Variants in NKAIN2 observed in about 807,000 individuals in gnomAD.
NKAIN2 encodes sodium/potassium transporting ATPase interacting 2.
Under a neutral mutation model 32.6 loss-of-function variants are expected in NKAIN2, and 14 were observed. That is an observed-to-expected ratio of 0.43 (90% CI 0.28 to 0.67). NKAIN2 has a LOEUF of 0.67. Ranked by LOEUF, NKAIN2 falls within the 30% of genes least tolerant of loss-of-function variation. The pLI is 0.17. For missense variants in NKAIN2, 198 were observed against 258.3 expected (o/e 0.77, Z 1.60); for synonymous variants, 80 against 87.2 (o/e 0.92, Z 0.46).
chr6:124,637,508 A>G (rs2114338396), intron 3 of NKAIN2, among the ~76,000 whole-genome samples: 1 of 152,124 alleles, frequency 6.6e-6, no homozygotes, highest in East Asian at 1.9e-4. Context: ...TTTTTGCATT[A>G]TTTTTTCTTT....
chr6:124,532,523 T>C (rs905584884), intron 3 of NKAIN2, among the ~76,000 whole-genome samples: 2 of 152,136 alleles, frequency 1.3e-5, no homozygotes, highest in Non-Finnish European at 2.9e-5. Context: ...TCTACTCTTA[T>C]TGACAGAGAC....
At chr6:124,439,932 T>C (rs1775620627) in intron 3 of NKAIN2, among the ~76,000 whole-genome samples, 1 of 151,922 alleles carries the variant, frequency 6.6e-6, no homozygotes, top group Non-Finnish European at 1.5e-5. Context: ...ATGCAGGAAA[T>C]TTACTGGAGC....
At chr6:124,413,315 A>G (rs769735001) in intron 3 of NKAIN2, among the ~76,000 whole-genome samples, 15 of 152,226 alleles carry the variant, frequency 9.9e-5, no homozygotes, top group Non-Finnish European at 1.8e-4. Context: ...CAGATTTTCA[A>G]TTGTTGTGGC....
chr6:123,804,884 C>T (rs185035529), intron 1 of NKAIN2, among the ~76,000 whole-genome samples: 136 of 152,198 alleles, frequency 8.9e-4, no homozygotes, highest in African/African-American at 3.2e-3. Flanking sequence ...GAACCAGTAA[C>T]CTTTAAATCA....
rs142017827 is a variant in NKAIN2 at position 123,998,810 on chromosome 6, C to CATAT, written c.54+194573_54+194576dup. Among the ~76,000 whole-genome samples, 905 of 127,748 alleles carry CATAT rather than the reference C, an allele frequency of 7.1e-3. 8 individuals are homozygous for CATAT. Among genetic ancestry groups the CATAT allele is most frequent in the African/African-American group, 0.019 (678 of 35,690 alleles). The allele number at this position is 127,748 out of a possible 152,430, so 83.8% of individuals were successfully genotyped here. A position where few individuals can be genotyped will look rare whatever the true frequency, so the allele number is the denominator to read the frequency against. On this transcript the variant is annotated intron_variant, in intron 1 of 6. Transcript: ENST00000368417. Reference sequence around the variant, plus strand: ...TATATATATAGGGTGATGGTATATACATATATATATATATATATATGGTGA... The same window carrying CATAT: ...TATATATATAGGGTGATGGTATATACATATATATATATATATATATATATGGTGA...
intron 1 of NKAIN2, among the ~76,000 whole-genome samples, chr6:124,221,000 G>A (rs868038141): frequency 8.5e-5 from 13 of 152,082 alleles, no homozygotes; most frequent in Middle Eastern, 6.8e-3. Context: ...TTATAACTTG[G>A]TGTGAATCCA....
intron 1 of NKAIN2, among the ~76,000 whole-genome samples, chr6:123,958,599 C>T (rs1483619250): frequency 6.6e-6 from 1 of 152,242 alleles, no homozygotes; most frequent in Non-Finnish European, 1.5e-5. Context: ...CTCCCAAAGG[C>T]CCCACCTTTT....
At chr6:124,737,288 CAAT>C (rs1235548932) in intron 4 of NKAIN2, among the ~76,000 whole-genome samples, 12 of 151,782 alleles carry the variant, frequency 7.9e-5, no homozygotes, top group Admixed American at 7.9e-4. Context: ...TGTGATAAGT[CAAT>C]GAGTTCTCAC....
At chr6:124,563,200 G>A (rs527583919) in intron 3 of NKAIN2, among the ~76,000 whole-genome samples, 40 of 151,998 alleles carry the variant, frequency 2.6e-4, no homozygotes, top group African/African-American at 5.3e-4. Context: ...CACTGCGCCC[G>A]GCCAAAAATA....
At chr6:124,244,772 C>A (rs907375816) in intron 1 of NKAIN2, among the ~76,000 whole-genome samples, 2 of 151,714 alleles carry the variant, frequency 1.3e-5, no homozygotes, top group African/African-American at 4.8e-5. Flanking sequence ...ATACTTAACT[C>A]TAAATAAATA....
In NKAIN2 at chr6:124,730,401, C is replaced by T. The variant is rs372570692; in HGVS notation, c.475-60938C>T. Among the ~76,000 whole-genome samples, 48 of 95,680 alleles carry T rather than the reference C, an allele frequency of 5.0e-4. 3 individuals carry two copies. Among genetic ancestry groups the T allele is most frequent in the Middle Eastern group, 9.2e-3 (2 of 218 alleles). 62.8% of individuals were successfully genotyped at this position (95,680 alleles called of 152,430 possible). On this transcript the variant is annotated intron_variant, in intron 4 of 6. Transcript: ENST00000368417. ...AACAGAACAGAGCCCTCAGAAATAACGCCGCATATCTAAAACTATCTGATC... is the reference window on the plus strand; with the variant it reads ...AACAGAACAGAGCCCTCAGAAATAATGCCGCATATCTAAAACTATCTGATC...
chr6:124,433,224 T>C (rs763676728), intron 3 of NKAIN2, among the ~76,000 whole-genome samples: 5 of 152,170 alleles, frequency 3.3e-5, no homozygotes, highest in Non-Finnish European at 7.3e-5. Flanking sequence ...TCCACTTGCT[T>C]GTTAGAAAAA....
chr6:124,417,785 A>G (rs1013513395), intron 3 of NKAIN2, among the ~76,000 whole-genome samples: 1 of 152,192 alleles, frequency 6.6e-6, no homozygotes, highest in African/African-American at 2.4e-5. Context: ...TGTCAAGTGA[A>G]AATTCCAGGG....
chr6:124,494,985 G>C (rs941535770), intron 3 of NKAIN2, among the ~76,000 whole-genome samples: 4 of 152,050 alleles, frequency 2.6e-5, no homozygotes, highest in Non-Finnish European at 4.4e-5. Flanking sequence ...AATTGCAATA[G>C]AATTAATATT....
intron 1 of NKAIN2, among the ~76,000 whole-genome samples, chr6:124,142,575 TG>T (rs1163873546): frequency 6.6e-6 from 1 of 152,154 alleles, no homozygotes; most frequent in African/African-American, 2.4e-5. Flanking sequence ...AACACGCAGT[TG>T]GATAGCAAAA....
intron 3 of NKAIN2, among the ~76,000 whole-genome samples, chr6:124,504,619 C>T (rs1045952844): frequency 1.8e-4 from 27 of 152,150 alleles, no homozygotes; most frequent in African/African-American, 6.0e-4. Flanking sequence ...TTCAAGTAAT[C>T]AACAATGCCT....
At chr6:124,727,484 A>G (rs1319321629) in intron 4 of NKAIN2, among the ~76,000 whole-genome samples, 13 of 150,084 alleles carry the variant, frequency 8.7e-5, no homozygotes, top group Non-Finnish European at 1.3e-4. Flanking sequence ...GAGAAATAAA[A>G]TACTTTACAG....
chr6:124,022,617 A>G (rs569226063), intron 1 of NKAIN2, among the ~76,000 whole-genome samples: 84 of 152,340 alleles, frequency 5.5e-4, no homozygotes, highest in Admixed American at 1.4e-3. Context: ...AAATGTAATA[A>G]AAGATAAATA....
At chr6:124,451,897 C>A (rs1006837695) in intron 3 of NKAIN2, among the ~76,000 whole-genome samples, 1 of 152,018 alleles carries the variant, frequency 6.6e-6, no homozygotes, top group Non-Finnish European at 1.5e-5. Context: ...CTCTTAAAAT[C>A]TCTTCAAACC....
Sources: gnomAD v4.1 joint callset for allele counts (sites outside exome capture counted in the v4.1 genomes callset) on GRCh38, gnomAD v4.1.1 for gene constraint, MANE v1.5 for transcripts, NCBI Gene and HGNC (gene_info 2026-07-23, HGNC 2026-07-21) for gene names.